The following ZNF90 variants were observed in gnomAD, a reference collection of about 807,000 sequenced individuals.
ZNF90 encodes zinc finger protein 90, also known as zinc finger protein HTF9.
ZNF90 carries 11 observed loss-of-function variants against 12.0 expected under a neutral mutation model. The observed-to-expected ratio is 0.92, with a 90% CI of 0.58 to 1.52. ZNF90 has a LOEUF of 1.52. ZNF90 is among the 40% of genes most tolerant of loss of function. The probability of loss-of-function intolerance (pLI) is 0.00; values close to 1 mark genes in which losing one functional copy is unlikely to be tolerated. For synonymous variants in ZNF90, 232 were observed against 240.1 expected (o/e 0.97, Z 0.31); for missense variants, 765 against 711.5 (o/e 1.08, Z -0.86).
At chr19:20,081,155 G>T (rs540873468) in intron 1 of ZNF90, among the ~76,000 whole-genome samples, 1 of 152,224 alleles carries the variant, frequency 6.6e-6, no homozygotes, top group Admixed American at 6.5e-5. Context: ...CTCCTCCCAG[G>T]ACTAGGCACC....
chr19:20,116,577 TTTGA>T (rs1186339634), intron 3 of ZNF90, among the ~76,000 whole-genome samples: 16 of 152,254 alleles, frequency 1.1e-4, no homozygotes, highest in African/African-American at 2.9e-4. Context: ...CATTGCAATC[TTTGA>T]TTGAGATTTG....
At chr19:20,087,959 A>G (rs1326760445) in intron 1 of ZNF90, among the ~76,000 whole-genome samples, 5 of 152,286 alleles carry the variant, frequency 3.3e-5, no homozygotes, top group Middle Eastern at 3.4e-3. Flanking sequence ...AAGTGATGTC[A>G]ACAGTTAAGG....
At chr19:20,078,211 T>A in intron 1 of ZNF90, 76 bp downstream of exon 1, 1 of 1,587,358 alleles carries the variant, frequency 6.3e-7, no homozygotes, top group Admixed American at 1.7e-5. Context: ...GTGGCGGGAC[T>A]TAGGCCTCCC....
intron 1 of ZNF90, among the ~76,000 whole-genome samples, chr19:20,086,737 ATACT>A (rs199704255): frequency 4.9e-4 from 74 of 152,244 alleles, no homozygotes; most frequent in African/African-American, 1.2e-3. Flanking sequence ...AAAATGATTT[ATACT>A]TACTTAAGTC....
At chr19:20,079,937 CTTTTT>C (rs113327735) in intron 1 of ZNF90, 26 of 322,876 alleles carry the variant, frequency 8.1e-5, no homozygotes, top group South Asian at 2.1e-4. Context: ...CGTATTTCCT[CTTTTT>C]TTTTTTTTTT....
At chr19:20,097,008 G>A (rs531610025) in intron 1 of ZNF90, among the ~76,000 whole-genome samples, 9 of 152,272 alleles carry the variant, frequency 5.9e-5, no homozygotes, top group South Asian at 4.1e-4. Flanking sequence ...ATACACACAT[G>A]GCCTCGTCAA....
intron 1 of ZNF90, chr19:20,079,838 C>A (rs1568280786): frequency 5.5e-6 from 2 of 363,576 alleles, no homozygotes; most frequent in Admixed American, 3.9e-5. Context: ...CCACCCTGTC[C>A]CGGCCCTGAA....
At chr19:20,100,495 G>A (rs1305089240) in intron 1 of ZNF90, among the ~76,000 whole-genome samples, 1 of 152,180 alleles carries the variant, frequency 6.6e-6, no homozygotes, top group Non-Finnish European at 1.5e-5. Context: ...CTCAGGTGCA[G>A]TCCATGACTA....
At chr19:20,085,191 C>G (rs533106340) in intron 1 of ZNF90, among the ~76,000 whole-genome samples, 1 of 151,980 alleles carries the variant, frequency 6.6e-6, no homozygotes, top group Middle Eastern at 3.4e-3. Flanking sequence ...CCACATTCCT[C>G]TTGACAGCTT....
rs782038419 is a variant in ZNF90 at position 20,117,774 on chromosome 19, C to T, written c.227-7C>T. 1.5e-5 allele frequency: 22 copies of T among 1,494,710 alleles called. No individual in the cohort carries two copies. The highest frequency in any genetic ancestry group is 1.8e-5 in the Non-Finnish European group (20 of 1,126,398). The allele number at this position is 1,494,710 out of a possible 1,614,324, so 92.6% of individuals were successfully genotyped here. A position where few individuals can be genotyped will look rare whatever the true frequency, so the allele number is the denominator to read the frequency against. ...TTGAAGTAATGTGTTCTTATTGTTT[C>T]TTTCAGTTATGTGTTTTCATTTTGC... On this transcript the variant is annotated splice_polypyrimidine_tract_variant and splice_region_variant and intron_variant, in intron 3 of 3. Coordinates refer to ENST00000418063, the MANE Select transcript of ZNF90 (RefSeq NM_007138.2).
Position 20,104,325 on chromosome 19 carries a change from G to A in ZNF90, c.90G>A (p.Arg30=), listed in dbSNP as rs1011247354. ...CLDTAQQNLY[R]DVMLENYRHL... ...ACACTGCACAGCAGAATTTATATAGGGATGTGATGTTAGAGAACTACAGAC... is the reference window on the plus strand; with the variant it reads ...ACACTGCACAGCAGAATTTATATAGAGATGTGATGTTAGAGAACTACAGAC... Residue 30 remains arginine (R), a synonymous_variant, in exon 2 of 4, where the codon AGG becomes AGA. Transcript: ENST00000418063. 6.2e-7 allele frequency: 1 copy of A among 1,614,026 alleles called. No homozygotes were observed. The highest frequency in any genetic ancestry group is 1.7e-5 in the Admixed American group (1 of 60,028).
chr19:20,113,106 T>C (rs1166426337), intron 3 of ZNF90, among the ~76,000 whole-genome samples: 2 of 152,236 alleles, frequency 1.3e-5, no homozygotes, highest in Admixed American at 1.3e-4. Context: ...TTTCTTTTCC[T>C]GTATAAATAT....
intron 3 of ZNF90, among the ~76,000 whole-genome samples, chr19:20,115,410 CCTTT>C (rs1378177943): frequency 3.7e-5 from 5 of 135,532 alleles, no homozygotes; most frequent in Non-Finnish European, 7.6e-5. Context: ...CTCTCATTTT[CCTTT>C]CTGTTTTTTT....
At chr19:20,117,488 AG>A (rs2089150618) in intron 3 of ZNF90, 1 of 301,546 alleles carries the variant, frequency 3.3e-6, no homozygotes, top group Admixed American at 9.0e-5. Flanking sequence ...CCCAGGGTGG[AG>A]TGCAGTGGTG....
intron 1 of ZNF90, among the ~76,000 whole-genome samples, chr19:20,094,393 G>A (rs181184800): frequency 1.3e-5 from 2 of 152,326 alleles, no homozygotes; most frequent in Admixed American, 6.5e-5. Context: ...GCCCCTCTGG[G>A]TCTAGGGCGG....
intron 3 of ZNF90, among the ~76,000 whole-genome samples, chr19:20,117,186 G>A (rs531713445): frequency 2.0e-5 from 3 of 151,782 alleles, no homozygotes; most frequent in Non-Finnish European, 4.4e-5. Flanking sequence ...AGGATTACAG[G>A]TACCTGTTAC....
chr19:20,090,685 A>C (rs2088895392), intron 1 of ZNF90, among the ~76,000 whole-genome samples: 1 of 152,148 alleles, frequency 6.6e-6, no homozygotes, highest in East Asian at 1.9e-4. Flanking sequence ...TTTCCTGTCT[A>C]GCCTGCTGGA....
intron 1 of ZNF90, among the ~76,000 whole-genome samples, chr19:20,101,568 CTA>C (rs2122502808): frequency 6.6e-6 from 1 of 152,230 alleles, no homozygotes; most frequent in South Asian, 2.1e-4. Flanking sequence ...TTTTGAATCT[CTA>C]ATTGTTTTTG....
intron 1 of ZNF90, among the ~76,000 whole-genome samples, chr19:20,091,886 G>T (rs1234814266): frequency 6.6e-6 from 1 of 152,200 alleles, no homozygotes; most frequent in Non-Finnish European, 1.5e-5. Flanking sequence ...TTGCTGAGAG[G>T]TAGTGGAGGG....
Sources: allele counts gnomAD v4.1 joint callset (sites outside exome capture counted in the v4.1 genomes callset), GRCh38; gene constraint gnomAD v4.1.1; transcripts MANE v1.5; gene names NCBI Gene and HGNC (gene_info 2026-07-23, HGNC 2026-07-21).